The following RYR3 variants were observed in gnomAD, a reference collection of about 807,000 sequenced individuals.
The protein encoded by RYR3 is brain ryanodine receptor-calcium release channel.
RYR3 carries 207 observed loss-of-function variants against 584.3 expected under a neutral mutation model. That is an observed-to-expected ratio of 0.35 (90% CI 0.32 to 0.40). The LOEUF (loss-of-function observed/expected upper bound fraction) is 0.40. Ranked by LOEUF, RYR3 falls within the 10% of genes least tolerant of loss-of-function variation. The pLI, the probability that RYR3 is intolerant of heterozygous loss-of-function variation, is 1.00. For synonymous variants in RYR3, 2,416 were observed against 2,248.5 expected, an observed-to-expected ratio of 1.07 and a Z score of -2.11; for missense variants, 5,616 against 6,089.2, an observed-to-expected ratio of 0.92 and a Z score of 2.59.
At chr15:33,767,106 G>A (rs1287608294) in intron 60 of RYR3, among the ~76,000 whole-genome samples, 5 of 152,240 alleles carry the variant, frequency 3.3e-5, no homozygotes, top group African/African-American at 1.2e-4. Flanking sequence ...TGTCCAACTT[G>A]AAGCATTTTC....
chr15:33,474,024 A>G (rs1489390079), intron 2 of RYR3, among the ~76,000 whole-genome samples: 1 of 152,236 alleles, frequency 6.6e-6, no homozygotes, highest in Non-Finnish European at 1.5e-5. Flanking sequence ...GGCAGAGAGT[A>G]ATGTTTGCAC....
At chr15:33,563,386 C>T (rs2057520820) in intron 11 of RYR3, among the ~76,000 whole-genome samples, 1 of 152,138 alleles carries the variant, frequency 6.6e-6, no homozygotes, top group Non-Finnish European at 1.5e-5. Flanking sequence ...CTAAATAGAT[C>T]TCTACAGAGA....
chr15:33,661,040 G>A (rs1348146822), intron 34 of RYR3, among the ~76,000 whole-genome samples: 1 of 152,148 alleles, frequency 6.6e-6, no homozygotes, highest in Non-Finnish European at 1.5e-5. Context: ...GAATAAAAAA[G>A]CAGAGCAATG....
intron 1 of RYR3, among the ~76,000 whole-genome samples, chr15:33,419,101 A>C (rs763633032): frequency 2.6e-5 from 4 of 152,144 alleles, no homozygotes; most frequent in African/African-American, 9.7e-5. Flanking sequence ...AGGACCAAGT[A>C]GAAAGAAAGA....
chr15:33,669,729 C>G (rs2063701900), intron 37 of RYR3, among the ~76,000 whole-genome samples: 1 of 151,092 alleles, frequency 6.6e-6, no homozygotes, highest in South Asian at 2.1e-4. Context: ...ATGAAGACAA[C>G]TGATCCTTAT....
chr15:33,630,782 G>A (rs4780138), intron 22 of RYR3, among the ~76,000 whole-genome samples: 23,288 of 152,190 alleles, frequency 0.15, 2,018 homozygotes, highest in African/African-American at 0.21. Context: ...ATTCGAAGAG[G>A]CATATAATTG....
chr15:33,780,902 A>G (rs565267648), intron 65 of RYR3, among the ~76,000 whole-genome samples: 2 of 152,356 alleles, frequency 1.3e-5, no homozygotes, highest in African/African-American at 2.4e-5. Context: ...GTGGCAAACT[A>G]TGACCACAGG....
chr15:33,775,798 C>T (rs1424931178), intron 64 of RYR3, among the ~76,000 whole-genome samples: 6 of 152,186 alleles, frequency 3.9e-5, no homozygotes, highest in Non-Finnish European at 7.3e-5. Flanking sequence ...CCAGGTCTCC[C>T]GTGGCCTGCT....
Position 33,336,546 on chromosome 15 carries a change from G to GAA in RYR3, c.51+25451_51+25452insAA, listed in dbSNP as rs796905126. 3.7e-4 allele frequency among the ~76,000 whole-genome samples: 21 copies of GAA among 56,304 alleles called. 8 individuals are homozygous for GAA. Among genetic ancestry groups the GAA allele is most frequent in the Admixed American group, 8.4e-4 (5 of 5,984 alleles). The allele number at this position is 56,304 out of a possible 152,430, so 36.9% of individuals were successfully genotyped here. On this transcript the variant is annotated intron_variant, in intron 1 of 103. Coordinates refer to ENST00000634891, the MANE Select transcript of RYR3 (RefSeq NM_001036.6). ...GGAGGGAAGGAGGGAAGGAGGGAAG[G>GAA]AGGGAAGGAAGGAAGAAAAAAGCAC... is the stretch of plus-strand genomic sequence containing the variant.
intron 85 of RYR3, among the ~76,000 whole-genome samples, chr15:33,828,316 A>G (rs528210652): frequency 6.6e-6 from 1 of 152,312 alleles, no homozygotes; most frequent in East Asian, 1.9e-4. Flanking sequence ...TAATTTCCCT[A>G]CAGTGGCCTC....
chr15:33,687,742 C>T (rs2065117564), intron 38 of RYR3, among the ~76,000 whole-genome samples: 1 of 152,068 alleles, frequency 6.6e-6, no homozygotes, highest in South Asian at 2.1e-4. Context: ...AGAACAGAGG[C>T]CTCAGAAATA....
intron 1 of RYR3, among the ~76,000 whole-genome samples, chr15:33,418,965 C>G (rs934741687): frequency 1.3e-5 from 2 of 152,014 alleles, no homozygotes; most frequent in Non-Finnish European, 2.9e-5. Flanking sequence ...CTCCAAGGTG[C>G]AGGCAAACAC....
chr15:33,722,764 A>G lies in RYR3; in HGVS notation c.6669A>G (p.Arg2223=), dbSNP rs768875899. The G allele has an allele frequency of 6.2e-7, 1 of 1,613,356 alleles. No homozygotes were observed. Among genetic ancestry groups the G allele is most frequent in the South Asian group, 1.1e-5 (1 of 90,930 alleles). Residue 2223 remains arginine, a synonymous_variant, in exon 44 of 104, where the codon AGA becomes AGG. Transcript: ENST00000634891. ...GCGTTGTGGTCAAGCTGCTCATCAG[A>G]CGCCCAGAGTGCTTCGGCCCGGCCC... ...NASVVVKLLI[R]RPECFGPALR...
At chr15:33,824,057 C>G (rs1337320771) in intron 81 of RYR3, among the ~76,000 whole-genome samples, 4 of 152,040 alleles carry the variant, frequency 2.6e-5, no homozygotes, top group Non-Finnish European at 5.9e-5. Flanking sequence ...TTATCTCTCT[C>G]AGGAAAACAA....
chr15:33,663,461 A>C, intron 35 of RYR3, 76 bp from the exon 36 acceptor site: 1 of 1,254,776 alleles, frequency 8.0e-7, no homozygotes, highest in South Asian at 1.3e-5. Context: ...TCTCAGTGCT[A>C]CTGTCTGTAA....
In RYR3 at chr15:33,560,881, C is replaced by T. The variant is rs565303989; in HGVS notation, c.973-1956C>T. Among the ~76,000 whole-genome samples, 8 of 151,046 alleles carry T rather than the reference C, an allele frequency of 5.3e-5. No individual in the cohort carries two copies. In the East Asian group the frequency reaches 1.2e-3, roughly 22 times the overall value. On this transcript the variant is annotated intron_variant, in intron 10 of 103. Transcript: ENST00000634891. ...TCTTTTTAAAAAAGAAAAATTCATA[C>T]TTATCCTTGGATGTTATGTTGCTGC...
At chr15:33,436,902 A>T (rs2045775630) in intron 1 of RYR3, among the ~76,000 whole-genome samples, 3 of 152,184 alleles carry the variant, frequency 2.0e-5, no homozygotes, top group Admixed American at 6.5e-5. Context: ...AATATCAAAA[A>T]TATTTTCTTC....
chr15:33,746,132 G>T lies in RYR3; in HGVS notation c.7964G>T (p.Arg2655Met). 6.3e-7 allele frequency: 1 copy of T among 1,598,650 alleles called. No individual in the cohort carries two copies. Among genetic ancestry groups the T allele is most frequent in the Non-Finnish European group, 8.5e-7 (1 of 1,172,394 alleles). Reference protein sequence around the residue: ...DENVKTHPLIRPFKTLTEKEK... With the variant: ...DENVKTHPLIMPFKTLTEKEK... ...AATGTGAAGACCCACCCACTGATAA[G>T]GCCTTTCAAGACATTAACGGAGAAG... Residue 2655 changes from arginine (R) to methionine (M), a missense_variant, in exon 53 of 104, where the codon AGG (arginine) becomes ATG (methionine). This residue lies in a region of RYR3 where 1,280 missense variants were observed against 1,426.2 expected (regional missense o/e 0.90). Transcript: ENST00000634891.
At chr15:33,860,453 AG>A in intron 100 of RYR3, 141 bp from the exon 101 acceptor site, 1 of 541,390 alleles carries the variant, frequency 1.8e-6, no homozygotes, top group Non-Finnish European at 3.3e-6. Flanking sequence ...TGTAACACAA[AG>A]AAACACGAGT....
Sources: allele counts gnomAD v4.1 joint callset (sites outside exome capture counted in the v4.1 genomes callset), GRCh38; gene constraint gnomAD v4.1.1; regional missense constraint gnomAD v4.1.1; transcripts MANE v1.5; gene names NCBI Gene and HGNC (gene_info 2026-07-23, HGNC 2026-07-21).